POFUT3: variants seen among roughly 807,000 people sequenced by gnomAD.
POFUT3 encodes protein O-fucosyltransferase 3.
chr8:33,419,624 C>T, the POFUT3 span, among the ~76,000 whole-genome samples: 1 of 152,272 alleles, frequency 6.6e-6, no homozygotes, highest in Non-Finnish European at 1.5e-5. Context: ...CCATGACTCC[C>T]TGACTTGATC....
the POFUT3 span, among the ~76,000 whole-genome samples, chr8:33,392,194 C>T: frequency 6.6e-6 from 1 of 152,148 alleles, no homozygotes; most frequent in East Asian, 1.9e-4. Flanking sequence ...ACCACACATG[C>T]GTGCGCATGT....
the POFUT3 span, among the ~76,000 whole-genome samples, chr8:33,328,767 TG>T: frequency 5.3e-5 from 8 of 152,142 alleles, no homozygotes; most frequent in African/African-American, 1.9e-4. Flanking sequence ...TGTAGAACAC[TG>T]GTTGGCCATT....
At chr8:33,425,902 CAA>C in the POFUT3 span, among the ~76,000 whole-genome samples, 38 of 106,138 alleles carry the variant, frequency 3.6e-4, no homozygotes, top group Admixed American at 4.2e-4. Flanking sequence ...AACTCCATCT[CAA>C]AAAAAAAAAA....
chr8:33,346,892 AATC>A, the POFUT3 span, among the ~76,000 whole-genome samples: 1 of 152,186 alleles, frequency 6.6e-6, no homozygotes, highest in Non-Finnish European at 1.5e-5. Flanking sequence ...GCAAGCAAAG[AATC>A]ATCATGAGGT....
the POFUT3 span, among the ~76,000 whole-genome samples, chr8:33,468,145 C>G: frequency 2.0e-5 from 3 of 151,690 alleles, no homozygotes; most frequent in South Asian, 2.1e-4. Flanking sequence ...GAGACTGAGG[C>G]AGGAGAATCC....
chr8:33,309,655 C>T, the POFUT3 span, among the ~76,000 whole-genome samples: 1 of 152,100 alleles, frequency 6.6e-6, no homozygotes, highest in Non-Finnish European at 1.5e-5. Flanking sequence ...ATTTCTGTTT[C>T]TAGGTATCAT....
chr8:33,408,703 CAT>C, the POFUT3 span, among the ~76,000 whole-genome samples: 1 of 152,088 alleles, frequency 6.6e-6, no homozygotes, highest in Non-Finnish European at 1.5e-5. Flanking sequence ...AAAAAGAGAA[CAT>C]AGTGTGCAAT....
At chr8:33,362,535 A>G in the POFUT3 span, among the ~76,000 whole-genome samples, 2 of 152,174 alleles carry the variant, frequency 1.3e-5, no homozygotes, top group African/African-American at 2.4e-5. Context: ...CTCACGTGCA[A>G]AGATGCACAT....
At chr8:33,364,644 T>C in the POFUT3 span, among the ~76,000 whole-genome samples, 2 of 152,108 alleles carry the variant, frequency 1.3e-5, no homozygotes, top group African/African-American at 4.8e-5. Context: ...AGACAAATCA[T>C]GAGTGAACTC....
chr8:33,453,259 C>A, the POFUT3 span: 1 of 1,614,164 alleles, frequency 6.2e-7, no homozygotes, highest in Non-Finnish European at 8.5e-7. Context: ...GGAGGTAGGT[C>A]CGGTTGATGG....
At chr8:33,380,202 CTATATATATATACTA>C in the POFUT3 span, among the ~76,000 whole-genome samples, 90 of 37,620 alleles carry the variant, frequency 2.4e-3, 3 homozygotes, top group East Asian at 0.012. Flanking sequence ...TATATATATA[CTATATATATATACTA>C]TATATATATA....
chr8:33,397,268 A>G, the POFUT3 span, among the ~76,000 whole-genome samples: 1 of 152,200 alleles, frequency 6.6e-6, no homozygotes, highest in Non-Finnish European at 1.5e-5. Context: ...TTCTTTCAAT[A>G]ATAAGAAAAA....
the POFUT3 span, among the ~76,000 whole-genome samples, chr8:33,331,981 A>T: frequency 6.6e-6 from 1 of 151,588 alleles, no homozygotes; most frequent in Non-Finnish European, 1.5e-5. Context: ...GGCCTCTAAA[A>T]AGATTTTTAA....
the POFUT3 span, among the ~76,000 whole-genome samples, chr8:33,332,977 A>G: frequency 6.6e-6 from 1 of 152,168 alleles, no homozygotes; most frequent in East Asian, 1.9e-4. Flanking sequence ...AATCATAGCA[A>G]CCTGAAGTTC....
chr8:33,398,840 G>C, the POFUT3 span, among the ~76,000 whole-genome samples: 1 of 152,218 alleles, frequency 6.6e-6, no homozygotes, highest in Admixed American at 6.5e-5. Flanking sequence ...CAAAGGAAAA[G>C]ATAAGGATGA....
chr8:33,320,009 C>G, the POFUT3 span, among the ~76,000 whole-genome samples: 2 of 151,102 alleles, frequency 1.3e-5, no homozygotes, highest in Non-Finnish European at 2.9e-5. Flanking sequence ...ATAGACTATA[C>G]CATCCTCTGC....
At chr8:33,453,682 C>T in the POFUT3 span, among the ~76,000 whole-genome samples, 11 of 152,096 alleles carry the variant, frequency 7.2e-5, no homozygotes, top group African/African-American at 2.7e-4. Context: ...CTGGCTTATA[C>T]TTGTAATCTC....
chr8:33,401,886 GGT>G, the POFUT3 span, among the ~76,000 whole-genome samples: 2 of 151,950 alleles, frequency 1.3e-5, no homozygotes, highest in African/African-American at 2.4e-5. Flanking sequence ...AAATAAGCCG[GGT>G]GTGGTGGCAC....
At chr8:33,372,456 G>T in the POFUT3 span, 1 of 1,450,178 alleles carries the variant, frequency 6.9e-7, no homozygotes. Flanking sequence ...GAGTACTGCA[G>T]CAACTAATTA....
Sources: gnomAD v4.1 joint callset for allele counts (sites outside exome capture counted in the v4.1 genomes callset) on GRCh38, gnomAD v4.1.1 for gene constraint, MANE v1.5 for transcripts, NCBI Gene and HGNC (gene_info 2026-07-23, HGNC 2026-07-21) for gene names.